Variants in MAMDC2 observed in about 807,000 individuals in gnomAD.
MAMDC2 encodes MAM domain containing 2.
In MAMDC2, 57 loss-of-function variants were observed where a neutral mutation model predicts 89.8. The ratio of observed to expected loss-of-function variants is 0.63; its 90% CI spans 0.51 to 0.79. The LOEUF (loss-of-function observed/expected upper bound fraction) is 0.79. Ranked by LOEUF, MAMDC2 falls within the 30% of genes least tolerant of loss-of-function variation. The pLI is 0.00. For missense variants in MAMDC2, 800 were observed against 820.6 expected (o/e 0.97, Z 0.31); for synonymous variants, 313 against 293.4 (o/e 1.07, Z -0.68).
At chr9:70,166,411 A>C (rs577193147) in intron 9 of MAMDC2, among the ~76,000 whole-genome samples, 1 of 152,118 alleles carries the variant, frequency 6.6e-6, no homozygotes, top group Non-Finnish European at 1.5e-5. Flanking sequence ...TAATTTTATG[A>C]GTCTAACATA....
intron 2 of MAMDC2, among the ~76,000 whole-genome samples, chr9:70,084,496 C>G (rs1827723224): frequency 6.6e-6 from 1 of 152,052 alleles, no homozygotes; most frequent in African/African-American, 2.4e-5. Flanking sequence ...TAGTCACAAT[C>G]ACACGCTAGA....
intron 11 of MAMDC2, among the ~76,000 whole-genome samples, chr9:70,176,683 T>C (rs1220941257): frequency 6.6e-6 from 1 of 152,212 alleles, no homozygotes; most frequent in Non-Finnish European, 1.5e-5. Flanking sequence ...TCTAACTAAC[T>C]CTTTTACCAC....
At chr9:70,112,901 A>C (rs1828547518) in intron 4 of MAMDC2, 94 bp from the exon 5 acceptor site, 4 of 1,503,692 alleles carry the variant, frequency 2.7e-6, no homozygotes, top group Non-Finnish European at 3.7e-6. Context: ...GGAAGAGAGA[A>C]ACTTCTGAAT....
intron 5 of MAMDC2, among the ~76,000 whole-genome samples, chr9:70,120,414 G>T (rs2030231440): frequency 6.6e-6 from 1 of 152,184 alleles, no homozygotes; most frequent in South Asian, 2.1e-4. Context: ...TCCATGAGTG[G>T]TTCGCTTAAG....
At chr9:70,119,531 G>T (rs1289444945) in intron 5 of MAMDC2, among the ~76,000 whole-genome samples, 1 of 152,152 alleles carries the variant, frequency 6.6e-6, no homozygotes, top group Non-Finnish European at 1.5e-5. Flanking sequence ...TTTGTGCAAG[G>T]TCTGCTGGAT....
chr9:70,171,855 C>A (rs549272975), intron 11 of MAMDC2: 1 of 152,118 alleles, frequency 6.6e-6, no homozygotes, highest in African/African-American at 2.4e-5. Flanking sequence ...AAAAAAAATT[C>A]TCATAATGTT....
chr9:70,061,526 AG>A (rs1827150861), intron 2 of MAMDC2, among the ~76,000 whole-genome samples: 2 of 152,146 alleles, frequency 1.3e-5, no homozygotes, highest in African/African-American at 4.8e-5. Flanking sequence ...CATCCCCTGT[AG>A]GGTCTTAGTG....
intron 9 of MAMDC2, chr9:70,153,333 G>A (rs145261337): frequency 6.6e-6 from 1 of 152,134 alleles, no homozygotes; most frequent in Non-Finnish European, 1.5e-5. Flanking sequence ...TTTTCCTAAA[G>A]GCCAAATATT....
At chr9:70,146,834 C>T (rs561619536) in intron 9 of MAMDC2, among the ~76,000 whole-genome samples, 2 of 152,170 alleles carry the variant, frequency 1.3e-5, no homozygotes, top group South Asian at 4.2e-4. Context: ...ACCCATGAGG[C>T]TGAGACAGGA....
intron 7 of MAMDC2, among the ~76,000 whole-genome samples, chr9:70,136,077 G>A (rs2030994734): frequency 6.6e-6 from 1 of 152,170 alleles, no homozygotes; most frequent in South Asian, 2.1e-4. Context: ...GTTGAACCCA[G>A]GAGGCAGAGG....
At chr9:70,180,134 T>C (rs938895261) in intron 11 of MAMDC2, among the ~76,000 whole-genome samples, 2 of 152,064 alleles carry the variant, frequency 1.3e-5, no homozygotes, top group Admixed American at 1.3e-4. Context: ...TGTTCCTGTG[T>C]TAGTCTGCTG....
intron 5 of MAMDC2, among the ~76,000 whole-genome samples, chr9:70,122,665 A>C (rs12349576): frequency 0.16 from 23,949 of 152,202 alleles, 1,891 homozygotes; most frequent in East Asian, 0.17. Flanking sequence ...TTTATTTGAA[A>C]ATTGGAAGGG....
Position 70,108,289 on chromosome 9 carries a change from A to G in MAMDC2, c.227A>G (p.Glu76Gly). 2 of 1,614,072 alleles carry G rather than the reference A, an allele frequency of 1.2e-6. No individual in the cohort carries two copies. The highest frequency in any genetic ancestry group is 1.7e-6 in the Non-Finnish European group (2 of 1,179,956). The change falls in exon 3 of 14, where the codon GAG (glutamate) becomes GGG (glycine). Residue 76 changes from glutamate (E) to glycine (G), a missense_variant. Transcript: ENST00000377182. ...CTGCTAAGTCCTGACTTACAGGCTGAGGAATGGAGCTGCCTCCGTTTGGTC... is the reference window on the plus strand; with the variant it reads ...CTGCTAAGTCCTGACTTACAGGCTGGGGAATGGAGCTGCCTCCGTTTGGTC... ...AVLLSPDLQAEEWSCLRLVYQ... is the reference protein window; with the variant it reads ...AVLLSPDLQAGEWSCLRLVYQ...
At chr9:70,205,281 T>C (rs934635368) in intron 11 of MAMDC2, among the ~76,000 whole-genome samples, 1 of 152,228 alleles carries the variant, frequency 6.6e-6, no homozygotes, top group Non-Finnish European at 1.5e-5. Flanking sequence ...AGAGCTTTTT[T>C]TTCATTTCCC....
chr9:70,123,257 A>G (rs1033463129), intron 5 of MAMDC2, among the ~76,000 whole-genome samples: 1 of 152,216 alleles, frequency 6.6e-6, no homozygotes, highest in Non-Finnish European at 1.5e-5. Flanking sequence ...ATGAGTTCTT[A>G]GAGAACAGAA....
rs1233125881 is a variant in MAMDC2, at chr9:70,143,671, A to G, written c.1256A>G (p.Tyr419Cys). ...TGTCTGCGTTTTCATTATGCCATCT[A>G]TGGATTTTTAAAAATGAGTGACACC... Reference protein sequence around the residue: ...QYCLRFHYAIYGFLKMSDTLA... With the variant: ...QYCLRFHYAICGFLKMSDTLA... The change falls in exon 9 of 14, where the codon TAT becomes TGT. Residue 419 changes from tyrosine to cysteine, a missense_variant. Coordinates refer to ENST00000377182, the MANE Select transcript of MAMDC2 (RefSeq NM_153267.5). The G allele has an allele frequency of 8.7e-6, 14 of 1,614,062 alleles. No homozygotes were observed. The highest frequency in any genetic ancestry group is 2.2e-5 in the South Asian group (2 of 91,090).
Position 70,124,750 on chromosome 9 carries a change from G to GGC in MAMDC2, c.644-1408_644-1407dup, listed in dbSNP as rs1406953797. On this transcript the variant is annotated intron_variant, in intron 5 of 13. Transcript: ENST00000377182. ...GAGACAGGGTCTTGCTTATCACCCA[G>GGC]GCTGGAGTACAGTGGTGTGATCATA... Among the ~76,000 whole-genome samples, 2 of 152,164 alleles carry GGC rather than the reference G, an allele frequency of 1.3e-5. 1 individual carries two copies. The highest frequency in any genetic ancestry group is 3.8e-4 in the East Asian group (2 of 5,202).
At chr9:70,135,956 G>T (rs1488535549) in intron 7 of MAMDC2, among the ~76,000 whole-genome samples, 1 of 152,102 alleles carries the variant, frequency 6.6e-6, no homozygotes, top group East Asian at 1.9e-4. Context: ...TTGTAGACCA[G>T]CCTGGGCAAC....
Position 70,197,520 on chromosome 9 carries a change from T to C in MAMDC2, c.1652-20817T>C, listed in dbSNP as rs142906853. Among the ~76,000 whole-genome samples the C allele has an allele frequency of 1.3e-3, 203 of 152,188 alleles. 1 individual carries two copies. Among genetic ancestry groups the C allele is most frequent in the Admixed American group, 4.0e-3 (61 of 15,276 alleles). ...ACTGAAGCAAAACCAGCTGTGTGGG[T>C]ATTACTGAAATTTGCCAAAGTGTTT... On this transcript the variant is annotated intron_variant, in intron 11 of 13. Transcript: ENST00000377182.
Sources: allele counts gnomAD v4.1 joint callset (sites outside exome capture counted in the v4.1 genomes callset), GRCh38; gene constraint gnomAD v4.1.1; transcripts MANE v1.5; gene names NCBI Gene and HGNC (gene_info 2026-07-23, HGNC 2026-07-21).